WDFY1: variants seen among roughly 807,000 people sequenced by gnomAD.
WDFY1 encodes the protein WD repeat and FYVE domain-containing protein 1.
WDFY1 carries 32 observed loss-of-function variants against 56.4 expected under a neutral mutation model. The observed-to-expected ratio is 0.57, with a 90% CI of 0.43 to 0.76. The LOEUF (loss-of-function observed/expected upper bound fraction) is 0.76. Ranked by LOEUF, WDFY1 falls within the 30% of genes least tolerant of loss-of-function variation. The pLI is 0.00. For synonymous variants in WDFY1, 192 were observed against 197.3 expected (o/e 0.97, Z 0.23); for missense variants, 480 against 545.7 (o/e 0.88, Z 1.20).
intron 8 of WDFY1, among the ~76,000 whole-genome samples, chr2:223,891,933 T>C (rs776347798): frequency 2.4e-4 from 37 of 152,216 alleles, no homozygotes; most frequent in Non-Finnish European, 4.8e-4. Context: ...ACAGTTCGAA[T>C]AAATCTTTGC....
chr2:223,881,994 C>A lies in WDFY1; in HGVS notation c.1012G>T (p.Glu338Ter). 1 of 1,614,088 alleles carries A rather than the reference C, an allele frequency of 6.2e-7. No homozygotes were observed. The highest frequency in any genetic ancestry group is 8.5e-7 in the Non-Finnish European group (1 of 1,179,952). Residue 338 changes from glutamate to a stop codon, truncating the protein, a stop_gained, in exon 10 of 12, where the codon GAG becomes TAG. Transcript: ENST00000233055. LOFTEE classifies it high-confidence loss of function. Reference sequence around the variant, plus strand: ...GAATCACAAACCCGGACTTGGAACTCGAAGCCCATGACTGGGTAACTTGAG... The same window carrying A: ...GAATCACAAACCCGGACTTGGAACTAGAAGCCCATGACTGGGTAACTTGAG... ...KRSSYPVMGFEFQVRVCDSCY... is the reference protein window; with the variant it reads ...KRSSYPVMGF
intron 11 of WDFY1, among the ~76,000 whole-genome samples, chr2:223,879,533 C>G (rs575638198): frequency 4.4e-4 from 67 of 151,920 alleles, no homozygotes; most frequent in African/African-American, 1.6e-3. Context: ...GTGGCAGGCA[C>G]TTGTAGTTCT....
chr2:223,920,788 G>T (rs1409331663), intron 1 of WDFY1, among the ~76,000 whole-genome samples: 3 of 152,214 alleles, frequency 2.0e-5, no homozygotes, highest in African/African-American at 4.8e-5. Context: ...AAGGGAAAAA[G>T]ATGGGCAAGG....
intron 6 of WDFY1, 70 bp downstream of exon 6, chr2:223,898,887 CA>C: frequency 8.8e-7 from 1 of 1,140,866 alleles, no homozygotes; most frequent in Non-Finnish European, 1.3e-6. Flanking sequence ...TTCATGAATC[CA>C]CATAGTAGAG....
At chr2:223,901,356 A>C in intron 4 of WDFY1, 23 bp from the exon 5 acceptor site, 2 of 1,613,428 alleles carry the variant, frequency 1.2e-6, no homozygotes, top group Non-Finnish European at 1.7e-6. Context: ...AAAGGTGAAC[A>C]GATGTCATCT....
At chr2:223,902,617 C>T (rs1447768357) in intron 4 of WDFY1, among the ~76,000 whole-genome samples, 1 of 151,948 alleles carries the variant, frequency 6.6e-6, no homozygotes, top group African/African-American at 2.4e-5. Flanking sequence ...TTGAGTAGGC[C>T]ATATCTCATA....
chr2:223,936,654 T>A (rs897058614), intron 1 of WDFY1, among the ~76,000 whole-genome samples: 3 of 152,194 alleles, frequency 2.0e-5, no homozygotes, highest in Non-Finnish European at 4.4e-5. Flanking sequence ...TTGGCAGGTG[T>A]CTGGGACCTT....
chr2:223,909,908 T>A lies in WDFY1; in HGVS notation c.279+2345A>T, dbSNP rs541670816. Among the ~76,000 whole-genome samples, 4 of 152,360 alleles carry A rather than the reference T, an allele frequency of 2.6e-5. No homozygotes were observed. The South Asian group carries it at 8.3e-4, about 32-fold the overall frequency. On this transcript the variant is annotated intron_variant, in intron 3 of 11. Coordinates refer to ENST00000233055, the MANE Select transcript of WDFY1 (RefSeq NM_020830.5). ...TCTTCGAAAAATGTAAATTACATCATGCTATTCATCTGCTGAAAACACTTT... is the reference window on the plus strand; with the variant it reads ...TCTTCGAAAAATGTAAATTACATCAAGCTATTCATCTGCTGAAAACACTTT...
chr2:223,900,366 T>C (rs1424073221), intron 5 of WDFY1, among the ~76,000 whole-genome samples: 1 of 152,242 alleles, frequency 6.6e-6, no homozygotes, highest in African/African-American at 2.4e-5. Flanking sequence ...AGCAAACATT[T>C]TAAAGAAAGG....
In WDFY1 at chr2:223,876,827, A is replaced by C. The variant is rs1692980704; in HGVS notation, c.*1844T>G. 6.6e-6 allele frequency: 1 copy of C among 152,228 alleles called. No homozygotes were observed. Among genetic ancestry groups the C allele is most frequent in the South Asian group, 2.1e-4 (1 of 4,832 alleles). The allele number at this position is 152,228 out of a possible 1,614,324, so 9.4% of individuals were successfully genotyped here. ...ATTGATCATATTCTATTTTCCTTTC[A>C]GGAATTCATAAAATCCCTAGGATAG... On this transcript the variant is annotated 3_prime_UTR_variant, in exon 12 of 12. Coordinates refer to ENST00000233055, the MANE Select transcript of WDFY1 (RefSeq NM_020830.5).
Position 223,877,706 on chromosome 2 carries a change from T to TG in WDFY1, c.*964dup, listed in dbSNP as rs1262922676. ...CTCAAAGTCAAAATAGTGTAAAAGCTGTGGAGTGCTTTTGTAGGGGGTATA... is the reference window on the plus strand; with the variant it reads ...CTCAAAGTCAAAATAGTGTAAAAGCTGGTGGAGTGCTTTTGTAGGGGGTATA... On this transcript the variant is annotated 3_prime_UTR_variant, in exon 12 of 12. Transcript: ENST00000233055. 6.6e-6 allele frequency: 1 copy of TG among 152,618 alleles called. No homozygotes were observed. The highest frequency in any genetic ancestry group is 1.5e-5 in the Non-Finnish European group (1 of 68,050). 9.5% of individuals were successfully genotyped at this position (152,618 alleles called of 1,614,324 possible).
Position 223,919,274 on chromosome 2 carries a change from G to A in WDFY1, c.138-1264C>T, listed in dbSNP as rs138501946. On this transcript the variant is annotated intron_variant, in intron 1 of 11. Coordinates refer to ENST00000233055, the MANE Select transcript of WDFY1 (RefSeq NM_020830.5). ...CACCCAGGTTGGAGCGCAGTGGCAC[G>A]ATCTCGGCTCACTGCAACCGCCACC... is the stretch of plus-strand genomic sequence containing the variant. 4.9e-4 allele frequency among the ~76,000 whole-genome samples: 75 copies of A among 152,242 alleles called. No individual in the cohort carries two copies. The East Asian group carries it at 0.013, about 27-fold the overall frequency.
chr2:223,913,344 G>T (rs926436597), intron 2 of WDFY1, among the ~76,000 whole-genome samples: 1 of 151,902 alleles, frequency 6.6e-6, no homozygotes. Context: ...ATACTGGATC[G>T]TACCCCAAAG....
chr2:223,944,319 A>G (rs776544556), intron 1 of WDFY1, among the ~76,000 whole-genome samples: 1 of 152,256 alleles, frequency 6.6e-6, no homozygotes, highest in Non-Finnish European at 1.5e-5. Flanking sequence ...CTGACCCGGG[A>G]GGGCCAAGAA....
intron 2 of WDFY1, among the ~76,000 whole-genome samples, chr2:223,915,529 C>T (rs182878993): frequency 6.6e-6 from 1 of 152,326 alleles, no homozygotes; most frequent in East Asian, 1.9e-4. Context: ...CCTCTAGTCT[C>T]TGTCTCTATT....
intron 1 of WDFY1, among the ~76,000 whole-genome samples, chr2:223,941,265 C>CTT (rs35595162): frequency 2.1e-4 from 31 of 149,146 alleles, no homozygotes; most frequent in Admixed American, 1.3e-3. Context: ...CCCCCAAAAA[C>CTT]TTTTTTTTTT....
At position 223,882,164 on chromosome 2, in the gene WDFY1, G is replaced by C. The variant is rs940340344; in HGVS notation, c.934-92C>G. 5 of 1,463,536 alleles carry C rather than the reference G, an allele frequency of 3.4e-6. No homozygotes were observed. The African/African-American group carries it at 7.1e-5, about 21-fold the overall frequency. 90.7% of individuals were successfully genotyped at this position (1,463,536 alleles called of 1,614,324 possible). ...GAGTCTCACTCTGTCACCCAGGCTG[G>C]AGTGCAGTGGCGTGATCTCGGCTCA... On this transcript the variant is annotated intron_variant, in intron 9 of 11. Coordinates refer to ENST00000233055, the MANE Select transcript of WDFY1 (RefSeq NM_020830.5).
chr2:223,937,578 T>C (rs760433712), intron 1 of WDFY1, among the ~76,000 whole-genome samples: 2 of 152,152 alleles, frequency 1.3e-5, no homozygotes, highest in African/African-American at 4.8e-5. Flanking sequence ...ATGAGAAAAC[T>C]GTGATACAGT....
Position 223,880,160 on chromosome 2 carries a change from T to A in WDFY1, c.1137A>T (p.Gly379=), listed in dbSNP as rs1489479062. The stretch of plus-strand genomic sequence containing the variant: ...GGTCGGTCCCACAGGTCACCATCAG[T>A]CCCCTGGCAATGTCCATGGACATGT... ...ISHMSMDIAR[G]LMVTCGTDRI... The change falls in exon 11 of 12, where the codon GGA becomes GGT. Residue 379 remains glycine, a synonymous_variant. Transcript: ENST00000233055. 1 of 1,614,096 alleles carries A rather than the reference T, an allele frequency of 6.2e-7. No individual in the cohort carries two copies. The highest frequency in any genetic ancestry group is 2.2e-5 in the East Asian group (1 of 44,872).
Sources: gnomAD v4.1 joint callset for allele counts (sites outside exome capture counted in the v4.1 genomes callset) on GRCh38, gnomAD v4.1.1 for gene constraint, MANE v1.5 for transcripts, NCBI Gene and HGNC (gene_info 2026-07-23, HGNC 2026-07-21) for gene names.